AGMO: variants seen among roughly 807,000 people sequenced by gnomAD.
The protein encoded by AGMO is alkylglycerol monooxygenase.
Under a neutral mutation model 60.2 loss-of-function variants are expected in AGMO, and 75 were observed. The ratio of observed to expected loss-of-function variants is 1.25; its 90% CI spans 1.03 to 1.51. The LOEUF is 1.51. Among genes scored for constraint, AGMO ranks in the 40% most tolerant of loss-of-function variants. AGMO has a pLI of 0.00. For missense variants in AGMO, 763 were observed against 525.5 expected, an observed-to-expected ratio of 1.45 and a Z score of -4.42; for synonymous variants, 261 against 177.1, an observed-to-expected ratio of 1.47 and a Z score of -3.76.
At chr7:15,325,271 T>G (rs1295609345) in intron 12 of AGMO, among the ~76,000 whole-genome samples, 1 of 152,148 alleles carries the variant, frequency 6.6e-6, no homozygotes, top group Admixed American at 6.6e-5. Context: ...CATTAAAGGC[T>G]AATAAATAGT....
the AGMO span, among the ~76,000 whole-genome samples, chr7:15,186,894 T>C: frequency 6.6e-6 from 1 of 152,170 alleles, no homozygotes; most frequent in African/African-American, 2.4e-5. Flanking sequence ...ACTTCCAGGC[T>C]TGGCTCATAT....
At chr7:15,375,738 G>T (rs1389815369) in intron 10 of AGMO, among the ~76,000 whole-genome samples, 1 of 152,044 alleles carries the variant, frequency 6.6e-6, no homozygotes, top group Non-Finnish European at 1.5e-5. Flanking sequence ...TAACTCCAAA[G>T]AACTGCGCAT....
chr7:15,205,607 T>C (rs867854334), intron 12 of AGMO, among the ~76,000 whole-genome samples: 16 of 152,264 alleles, frequency 1.1e-4, no homozygotes, highest in African/African-American at 3.8e-4. Context: ...CTTACTCTAC[T>C]TTGTAAAGGA....
chr7:15,383,650 CATAT>C (rs1160792892), intron 10 of AGMO, among the ~76,000 whole-genome samples: 2 of 151,920 alleles, frequency 1.3e-5, no homozygotes, highest in African/African-American at 4.8e-5. Context: ...CATTTTTCAG[CATAT>C]ATTATTTATT....
chr7:15,281,638 C>A (rs1019155082), intron 12 of AGMO, among the ~76,000 whole-genome samples: 3 of 152,136 alleles, frequency 2.0e-5, no homozygotes, highest in African/African-American at 7.2e-5. Flanking sequence ...GTCTATTCCA[C>A]TGAGAGCTCC....
the AGMO span, among the ~76,000 whole-genome samples, chr7:15,192,888 C>A: frequency 6.6e-6 from 1 of 152,056 alleles, no homozygotes; most frequent in African/African-American, 2.4e-5. Flanking sequence ...GTCACCAAAG[C>A]AAATTTTTAA....
chr7:15,430,333 C>T (rs1781191832), intron 4 of AGMO, among the ~76,000 whole-genome samples: 1 of 151,694 alleles, frequency 6.6e-6, no homozygotes. Context: ...GCTCACTGTT[C>T]AACATACATT....
chr7:15,398,892 G>T (rs1030128016), intron 5 of AGMO, among the ~76,000 whole-genome samples: 2 of 152,062 alleles, frequency 1.3e-5, no homozygotes, highest in Non-Finnish European at 2.9e-5. Flanking sequence ...AAGCCTTTCC[G>T]ATTTCAGCTC....
At chr7:15,434,573 C>T (rs949032542) in intron 3 of AGMO, among the ~76,000 whole-genome samples, 3 of 152,072 alleles carry the variant, frequency 2.0e-5, no homozygotes, top group African/African-American at 7.2e-5. Flanking sequence ...AGGAACTAAG[C>T]TCCTCAGTCC....
At chr7:15,296,196 T>C (rs1784400455) in intron 12 of AGMO, among the ~76,000 whole-genome samples, 1 of 152,144 alleles carries the variant, frequency 6.6e-6, no homozygotes, top group South Asian at 2.1e-4. Context: ...ATAGTGCCAC[T>C]CCACATTATG....
intron 3 of AGMO, among the ~76,000 whole-genome samples, chr7:15,454,049 T>C (rs1222509809): frequency 1.3e-5 from 2 of 149,372 alleles, no homozygotes; most frequent in Admixed American, 1.3e-4. Flanking sequence ...TATATACCAC[T>C]AGAGAGAATT....
intron 4 of AGMO, among the ~76,000 whole-genome samples, chr7:15,429,437 A>G (rs923494852): frequency 6.6e-6 from 1 of 151,920 alleles, no homozygotes; most frequent in African/African-American, 2.4e-5. Context: ...AAGCCCAGAA[A>G]GAACCAAAAA....
At chr7:15,241,032 T>C (rs971500497) in intron 12 of AGMO, among the ~76,000 whole-genome samples, 26 of 152,288 alleles carry the variant, frequency 1.7e-4, no homozygotes, top group African/African-American at 6.0e-4. Context: ...TTAACCACTA[T>C]ATTAAATACA....
chr7:15,128,875 G>A, the AGMO span, among the ~76,000 whole-genome samples: 1 of 152,070 alleles, frequency 6.6e-6, no homozygotes, highest in African/African-American at 2.4e-5. Flanking sequence ...GTCAGCCAAT[G>A]TCACTTTGCT....
At chr7:15,190,357 G>A in the AGMO span, among the ~76,000 whole-genome samples, 3 of 150,572 alleles carry the variant, frequency 2.0e-5, no homozygotes, top group Non-Finnish European at 4.4e-5. Flanking sequence ...AAAGAAGCAG[G>A]TTATCAACTA....
intron 3 of AGMO, among the ~76,000 whole-genome samples, chr7:15,449,238 A>C (rs1398879554): frequency 1.3e-5 from 2 of 152,200 alleles, no homozygotes; most frequent in Non-Finnish European, 2.9e-5. Flanking sequence ...TGATTGACCA[A>C]GTTAATCCTC....
chr7:15,367,290 CAT>C (rs1783025390), intron 10 of AGMO, among the ~76,000 whole-genome samples: 1 of 151,568 alleles, frequency 6.6e-6, no homozygotes, highest in African/African-American at 2.4e-5. Context: ...TGTAACAAAA[CAT>C]TTTTGTCAGA....
At chr7:15,559,176 T>C (rs1419843700) in intron 2 of AGMO, among the ~76,000 whole-genome samples, 2 of 152,152 alleles carry the variant, frequency 1.3e-5, no homozygotes, top group African/African-American at 4.8e-5. Context: ...AACATAATGT[T>C]ACAGGAATAT....
intron 12 of AGMO, among the ~76,000 whole-genome samples, chr7:15,218,327 A>ATGTGTGTATGTGTG (rs1554396502): frequency 1.4e-5 from 2 of 144,020 alleles, no homozygotes; most frequent in African/African-American, 2.6e-5. Context: ...TGGTGTGTGT[A>ATGTGTGTATGTGTG]TGTGTGTGTG....
Sources: gnomAD v4.1 joint callset for allele counts (sites outside exome capture counted in the v4.1 genomes callset) on GRCh38, gnomAD v4.1.1 for gene constraint, MANE v1.5 for transcripts, NCBI Gene and HGNC (gene_info 2026-07-23, HGNC 2026-07-21) for gene names.